Variants in NRXN3 observed in about 807,000 individuals in gnomAD.
NRXN3 encodes neurexin 3.
A neutral mutation model predicts 137.6 loss-of-function variants in NRXN3; 32 were observed. The observed-to-expected ratio is 0.23, with a 90% CI of 0.18 to 0.31. NRXN3 has a LOEUF of 0.31. Ranked by LOEUF, NRXN3 falls within the 10% of genes least tolerant of loss-of-function variation. The pLI, the probability that NRXN3 is intolerant of heterozygous loss-of-function variation, is 1.00. For missense variants in NRXN3, 1,574 were observed against 2,062.5 expected (o/e 0.76, Z 4.59); for synonymous variants, 798 against 784.5 (o/e 1.02, Z -0.29).
intron 19 of NRXN3, among the ~76,000 whole-genome samples, chr14:79,767,401 T>A (rs952174676): frequency 2.6e-5 from 4 of 152,234 alleles, no homozygotes; most frequent in African/African-American, 9.6e-5. Flanking sequence ...ATTTTTTTAC[T>A]CAGAGAAATC....
chr14:79,784,119 A>G (rs1240355293), intron 19 of NRXN3, among the ~76,000 whole-genome samples: 1 of 152,226 alleles, frequency 6.6e-6, no homozygotes, highest in East Asian at 1.9e-4. Flanking sequence ...ATTTCTAACT[A>G]TAAATTAGTT....
chr14:78,281,478 G>A (rs2074400122), intron 3 of NRXN3, among the ~76,000 whole-genome samples: 1 of 152,130 alleles, frequency 6.6e-6, no homozygotes, highest in Middle Eastern at 3.2e-3. Context: ...ATGGGGCCTG[G>A]TGGGCAACAC....
chr14:79,469,168 A>G (rs1201840620), intron 16 of NRXN3, among the ~76,000 whole-genome samples: 1 of 152,212 alleles, frequency 6.6e-6, no homozygotes, highest in African/African-American at 2.4e-5. Context: ...TAAGAAAAAT[A>G]TGATTTGGCA....
intron 5 of NRXN3, among the ~76,000 whole-genome samples, chr14:78,649,919 G>C (rs1021124083): frequency 1.3e-5 from 2 of 152,032 alleles, no homozygotes; most frequent in African/African-American, 4.8e-5. Flanking sequence ...GCATGTTCCT[G>C]TCTCGTGAAT....
chr14:78,854,422 G>A (rs535531161), intron 10 of NRXN3, among the ~76,000 whole-genome samples: 4 of 151,768 alleles, frequency 2.6e-5, no homozygotes, highest in African/African-American at 9.7e-5. Flanking sequence ...CATGTCAATC[G>A]ATAGGCAAAA....
At chr14:79,662,210 T>C (rs1316557013) in intron 16 of NRXN3, among the ~76,000 whole-genome samples, 2 of 152,260 alleles carry the variant, frequency 1.3e-5, no homozygotes, top group Middle Eastern at 3.4e-3. Flanking sequence ...AAAGGACTAA[T>C]ACAACTACTA....
chr14:79,018,381 T>A (rs1191648558), intron 15 of NRXN3, among the ~76,000 whole-genome samples: 1 of 150,524 alleles, frequency 6.6e-6, no homozygotes, highest in East Asian at 2.0e-4. Context: ...ATGGGAAAAC[T>A]GGGTTTTTCT....
chr14:79,101,906 G>A (rs2051373460), intron 15 of NRXN3, among the ~76,000 whole-genome samples: 1 of 152,152 alleles, frequency 6.6e-6, no homozygotes, highest in Non-Finnish European at 1.5e-5. Flanking sequence ...GCACAGAGAA[G>A]AGAGTGCCAT....
rs151309479 is a variant in NRXN3, at chr14:78,495,543, A to G, written c.758-149577A>G. Among the ~76,000 whole-genome samples, 526 of 152,302 alleles carry G rather than the reference A, an allele frequency of 3.5e-3. 4 individuals carry two copies. Among genetic ancestry groups the G allele is most frequent in the African/African-American group, 0.012 (498 of 41,576 alleles). ...AAGTGAGTAACAGAACAATGTTTCC[A>G]CTAAGTTGCAGCAAAAACTACACAT... On this transcript the variant is annotated intron_variant, in intron 4 of 20. Transcript: ENST00000335750.
At chr14:79,852,270 C>T (rs1037271959) in intron 20 of NRXN3, among the ~76,000 whole-genome samples, 1 of 148,852 alleles carries the variant, frequency 6.7e-6, no homozygotes, top group Non-Finnish European at 1.5e-5. Context: ...CACACACACA[C>T]ACACACACAC....
chr14:78,584,839 T>C (rs560095204), intron 4 of NRXN3, among the ~76,000 whole-genome samples: 1 of 152,340 alleles, frequency 6.6e-6, no homozygotes, highest in Admixed American at 6.5e-5. Flanking sequence ...TCACTCTACC[T>C]CTGTACCTCT....
chr14:79,409,643 A>C (rs904544437), intron 15 of NRXN3, among the ~76,000 whole-genome samples: 24 of 141,264 alleles, frequency 1.7e-4, no homozygotes, highest in East Asian at 4.1e-4. Context: ...ATATATATAT[A>C]TCCTCAAAAT....
At chr14:79,752,735 A>G (rs1603463117) in intron 19 of NRXN3, among the ~76,000 whole-genome samples, 10 of 150,388 alleles carry the variant, frequency 6.6e-5, no homozygotes, top group Admixed American at 2.6e-4. Context: ...AATTAAACTA[A>G]AGAGCTTCTG....
At chr14:78,823,377 G>A (rs1206272847) in intron 10 of NRXN3, among the ~76,000 whole-genome samples, 1 of 152,122 alleles carries the variant, frequency 6.6e-6, no homozygotes, top group South Asian at 2.1e-4. Context: ...CCTATAGACT[G>A]TTCCTCTGTA....
intron 4 of NRXN3, among the ~76,000 whole-genome samples, chr14:78,626,053 T>C (rs1359102969): frequency 1.3e-5 from 2 of 152,178 alleles, no homozygotes; most frequent in Non-Finnish European, 2.9e-5. Flanking sequence ...CATCTAGAAT[T>C]GGTCATTGCC....
chr14:79,083,990 G>A (rs975691966), intron 15 of NRXN3, among the ~76,000 whole-genome samples: 22 of 151,980 alleles, frequency 1.4e-4, no homozygotes, highest in Admixed American at 1.2e-3. Context: ...CTGCAGCCTC[G>A]ACCCCCACCC....
At chr14:78,405,181 C>T (rs1180585145) in intron 4 of NRXN3, among the ~76,000 whole-genome samples, 1 of 152,066 alleles carries the variant, frequency 6.6e-6, no homozygotes, top group Non-Finnish European at 1.5e-5. Flanking sequence ...TGCTACAAAC[C>T]TAGAGTAAAG....
chr14:78,583,559 G>C (rs2097027113), intron 4 of NRXN3, among the ~76,000 whole-genome samples: 1 of 152,116 alleles, frequency 6.6e-6, no homozygotes, highest in Non-Finnish European at 1.5e-5. Flanking sequence ...AGAATCCCCA[G>C]GGAATTACTA....
chr14:78,187,261 G>A (rs2060307554), intron 1 of NRXN3, among the ~76,000 whole-genome samples: 1 of 117,144 alleles, frequency 8.5e-6, no homozygotes, highest in African/African-American at 2.6e-5. Context: ...GGTGGTGTGT[G>A]TGTGTTTTTT....
Sources: gnomAD v4.1 joint callset for allele counts (sites outside exome capture counted in the v4.1 genomes callset) on GRCh38, gnomAD v4.1.1 for gene constraint, MANE v1.5 for transcripts, NCBI Gene and HGNC (gene_info 2026-07-23, HGNC 2026-07-21) for gene names.